Variants in RNF17 observed in about 807,000 individuals in gnomAD.
The protein encoded by RNF17 is ring finger protein 17.
Under a neutral mutation model 200.5 loss-of-function variants are expected in RNF17, and 31 were observed. The ratio of observed to expected loss-of-function variants is 0.15; its 90% CI spans 0.12 to 0.21. The LOEUF (loss-of-function observed/expected upper bound fraction) is 0.21, where lower values mean the gene tolerates loss of function less well. RNF17 is among the 10% of genes least tolerant of loss of function. The pLI is 1.00. For missense variants in RNF17, 1,628 were observed against 1,905.1 expected, an observed-to-expected ratio of 0.85 and a Z score of 2.71; for synonymous variants, 606 against 637.8, an observed-to-expected ratio of 0.95 and a Z score of 0.75.
In RNF17 at chr13:24,826,097, A is replaced by G. The variant is rs945084725; in HGVS notation, c.2245+325A>G. The G allele has an allele frequency of 8.1e-6, 8 of 984,882 alleles. No homozygotes were observed. In the Admixed American group the frequency reaches 3.1e-4, roughly 38 times the overall value. The allele number at this position is 984,882 out of a possible 1,614,324, so 61.0% of individuals were successfully genotyped here. A position where few individuals can be genotyped will look rare whatever the true frequency, so the allele number is the denominator to read the frequency against. ...CTGTCCCATGCTATTTTGATTGTCA[A>G]GGTACAAATTAAAGGTGAGTCCTTT... On this transcript the variant is annotated intron_variant, in intron 16 of 35. Transcript: ENST00000255324.
At chr13:24,815,209 AAT>A (rs1331202850) in intron 15 of RNF17, among the ~76,000 whole-genome samples, 1 of 152,166 alleles carries the variant, frequency 6.6e-6, no homozygotes, top group Non-Finnish European at 1.5e-5. Flanking sequence ...GATCTTATTT[AAT>A]ATCTTTCAAC....
At chr13:24,749,307 C>CTTTCTTTCTTTTTTTTTT in the RNF17 span, among the ~76,000 whole-genome samples, 7 of 108,022 alleles carry the variant, frequency 6.5e-5, no homozygotes, top group East Asian at 9.9e-4. Flanking sequence ...TTCTTTCTTT[C>CTTTCTTTCTTTTTTTTTT]TTTTTTTTTT....
chr13:24,778,480 C>A, intron 4 of RNF17, 74 bp downstream of exon 4: 1 of 915,616 alleles, frequency 1.1e-6, no homozygotes. Flanking sequence ...CAACTTTCTT[C>A]TCCTATAATT....
intron 2 of RNF17, among the ~76,000 whole-genome samples, chr13:24,773,089 T>C (rs1036874486): frequency 6.6e-6 from 1 of 152,162 alleles, no homozygotes; most frequent in Non-Finnish European, 1.5e-5. Context: ...GAAAAGAGAA[T>C]GCTTATAGAC....
downstream of RNF17, chr13:24,883,900 T>C: frequency 6.2e-7 from 1 of 1,609,020 alleles, no homozygotes; most frequent in African/African-American, 1.3e-5. Context: ...TGGGGCACCT[T>C]CTGAGCACAG....
At chr13:24,763,790 T>C (rs1485055462), upstream of RNF17, among the ~76,000 whole-genome samples, 2 of 152,226 alleles carry the variant, frequency 1.3e-5, no homozygotes, top group Non-Finnish European at 2.9e-5. Context: ...CCAGCTGCTA[T>C]TGGCCAAGCC....
intron 32 of RNF17, among the ~76,000 whole-genome samples, chr13:24,871,706 C>T (rs1894276527): frequency 6.7e-6 from 1 of 149,336 alleles, no homozygotes; most frequent in Non-Finnish European, 1.5e-5. Flanking sequence ...AATCTCGTCT[C>T]ACTGCAACCT....
rs555598306 is a variant in RNF17 at position 24,841,990 on chromosome 13, C to G, written c.2483-51C>G. Reference sequence around the variant, plus strand: ...CCAAAAAAAAAAATTGCCTCATTTACTATATTTTGTGACATATTTCTTTCC... The same window carrying G: ...CCAAAAAAAAAAATTGCCTCATTTAGTATATTTTGTGACATATTTCTTTCC... On this transcript the variant is annotated intron_variant, in intron 18 of 35. Coordinates refer to ENST00000255324, the MANE Select transcript of RNF17 (RefSeq NM_031277.3). The G allele has an allele frequency of 9.3e-5, 142 of 1,531,026 alleles. 5 individuals are homozygous for G. In the South Asian group the frequency reaches 1.5e-3, roughly 16 times the overall value. The allele number at this position is 1,531,026 out of a possible 1,614,324, so 94.8% of individuals were successfully genotyped here. A position where few individuals can be genotyped will look rare whatever the true frequency, so the allele number is the denominator to read the frequency against.
the RNF17 span, among the ~76,000 whole-genome samples, chr13:24,757,094 T>C: frequency 1.3e-5 from 2 of 152,146 alleles, no homozygotes; most frequent in African/African-American, 2.4e-5. Flanking sequence ...GGAGAATGAT[T>C]GCTGCCATGT....
chr13:24,816,285 T>C (rs1327666877), intron 15 of RNF17, among the ~76,000 whole-genome samples: 4 of 152,190 alleles, frequency 2.6e-5, no homozygotes, highest in Non-Finnish European at 5.9e-5. Context: ...CATAAATTTG[T>C]TTAACATCAT....
intron 10 of RNF17, among the ~76,000 whole-genome samples, chr13:24,794,699 A>C (rs1354650572): frequency 6.6e-6 from 1 of 151,776 alleles, no homozygotes; most frequent in African/African-American, 2.4e-5. Context: ...GAGTGTTTTG[A>C]CTCTGGCAGA....
At chr13:24,840,777 C>T (rs1242085248) in intron 18 of RNF17, among the ~76,000 whole-genome samples, 2 of 152,070 alleles carry the variant, frequency 1.3e-5, no homozygotes, top group East Asian at 1.9e-4. Flanking sequence ...ACTACAAATA[C>T]GGTGCAGTAT....
At chr13:24,841,286 A>C (rs1243588453) in intron 18 of RNF17, among the ~76,000 whole-genome samples, 1 of 152,178 alleles carries the variant, frequency 6.6e-6, no homozygotes, top group African/African-American at 2.4e-5. Flanking sequence ...AGGGTTCTAG[A>C]TTGAGTTTTT....
At chr13:24,758,817 T>C in the RNF17 span, among the ~76,000 whole-genome samples, 1 of 151,954 alleles carries the variant, frequency 6.6e-6, no homozygotes, top group Non-Finnish European at 1.5e-5. Flanking sequence ...TGGCTCACGC[T>C]TGTAATCCTA....
intron 11 of RNF17, among the ~76,000 whole-genome samples, chr13:24,797,160 G>C (rs1884673419): frequency 6.6e-6 from 1 of 152,168 alleles, no homozygotes; most frequent in Non-Finnish European, 1.5e-5. Context: ...AGTTTTTGTG[G>C]TTGCAAATAA....
intron 15 of RNF17, among the ~76,000 whole-genome samples, chr13:24,805,140 A>G (rs942333279): frequency 2.0e-5 from 3 of 152,156 alleles, no homozygotes; most frequent in African/African-American, 7.2e-5. Flanking sequence ...TGAGTTGTGG[A>G]AGCTCCTTAT....
chr13:24,884,430 T>A (rs1268642925), downstream of RNF17: 4 of 1,614,136 alleles, frequency 2.5e-6, no homozygotes, highest in African/African-American at 5.3e-5. Context: ...GGAAACAGTA[T>A]AACACGGCAC....
chr13:24,816,577 G>A (rs947228677), intron 15 of RNF17, among the ~76,000 whole-genome samples: 2 of 152,222 alleles, frequency 1.3e-5, no homozygotes, highest in African/African-American at 4.8e-5. Flanking sequence ...GGTAATGCCT[G>A]TGGACCTTAA....
chr13:24,863,215 A>C (rs1893272630), intron 28 of RNF17, among the ~76,000 whole-genome samples: 1 of 152,210 alleles, frequency 6.6e-6, no homozygotes, highest in Non-Finnish European at 1.5e-5. Flanking sequence ...CAAAAACCTA[A>C]AACATTTGCA....
Sources: allele counts gnomAD v4.1 joint callset (sites outside exome capture counted in the v4.1 genomes callset), GRCh38; gene constraint gnomAD v4.1.1; transcripts MANE v1.5; gene names NCBI Gene and HGNC (gene_info 2026-07-23, HGNC 2026-07-21).